The following ERCC6L2 variants were observed in gnomAD, a reference collection of about 807,000 sequenced individuals.
The protein encoded by ERCC6L2 is DNA excision repair protein ERCC-6-like 2.
A neutral mutation model predicts 132.0 loss-of-function variants in ERCC6L2; 77 were observed. The ratio of observed to expected loss-of-function variants is 0.58; its 90% CI spans 0.49 to 0.71. The LOEUF (loss-of-function observed/expected upper bound fraction) is 0.71, where lower values mean the gene tolerates loss of function less well. ERCC6L2 is among the 30% of genes least tolerant of loss of function. The pLI is 0.00. For missense variants in ERCC6L2, 1,542 were observed against 1,837.6 expected (o/e 0.84, Z 2.94); for synonymous variants, 583 against 632.4 (o/e 0.92, Z 1.17).
intron 12 of ERCC6L2, among the ~76,000 whole-genome samples, chr9:95,955,698 C>T (rs917808659): frequency 6.7e-6 from 1 of 148,596 alleles, no homozygotes; most frequent in Non-Finnish European, 1.5e-5. Flanking sequence ...GAAGTTGATA[C>T]TTGTAGGTTT....
At chr9:95,960,334 C>T (rs569497759) in intron 13 of ERCC6L2, among the ~76,000 whole-genome samples, 2 of 152,208 alleles carry the variant, frequency 1.3e-5, no homozygotes, top group Admixed American at 1.3e-4. Context: ...GGCACTATAG[C>T]GGGCTGAATA....
Position 95,897,923 on chromosome 9 carries a change from T to C in ERCC6L2, c.546T>C (p.Phe182=). 1.9e-6 allele frequency: 3 copies of C among 1,612,596 alleles called. No individual in the cohort carries two copies. Among genetic ancestry groups the C allele is most frequent in the Non-Finnish European group, 2.5e-6 (3 of 1,179,298 alleles). ...REDIENNMPE[F]LLRSMKKEPL... is the part of the protein sequence containing the mutation. ...ATATTGAAAATAACATGCCAGAGTTTTTACTAAGAAGTATGAAAAAGGAAC... is the reference window on the plus strand; with the variant it reads ...ATATTGAAAATAACATGCCAGAGTTCTTACTAAGAAGTATGAAAAAGGAAC... Residue 182 remains phenylalanine (F), a synonymous_variant, in exon 3 of 19, where the codon TTT becomes TTC. Coordinates refer to ENST00000653738, the MANE Select transcript of ERCC6L2 (RefSeq NM_020207.7).
intron 2 of ERCC6L2, among the ~76,000 whole-genome samples, chr9:95,886,255 G>C (rs1827860568): frequency 6.6e-6 from 1 of 152,088 alleles, no homozygotes; most frequent in Non-Finnish European, 1.5e-5. Context: ...GAGCTCAAGT[G>C]ATCTGCCTGC....
intron 2 of ERCC6L2, among the ~76,000 whole-genome samples, chr9:95,893,577 GC>G (rs1828283018): frequency 6.6e-6 from 1 of 152,178 alleles, no homozygotes; most frequent in East Asian, 1.9e-4. Context: ...AAACTATCTG[GC>G]CCTTAACTTT....
intron 12 of ERCC6L2, among the ~76,000 whole-genome samples, chr9:95,953,331 C>T (rs1002685877): frequency 5.3e-5 from 8 of 152,182 alleles, no homozygotes; most frequent in Non-Finnish European, 7.3e-5. Flanking sequence ...AATCCCAGCA[C>T]TTTGGGAGGC....
chr9:95,917,161 T>C (rs1018187511), intron 6 of ERCC6L2, among the ~76,000 whole-genome samples: 1 of 152,208 alleles, frequency 6.6e-6, no homozygotes, highest in African/African-American at 2.4e-5. Context: ...TTTTAAAAAA[T>C]ATATAGGTTT....
intron 17 of ERCC6L2, among the ~76,000 whole-genome samples, chr9:96,001,460 A>G (rs1833675588): frequency 6.6e-6 from 1 of 152,180 alleles, no homozygotes; most frequent in Non-Finnish European, 1.5e-5. Flanking sequence ...CAGGTTCTCC[A>G]AGGCCCCACC....
downstream of ERCC6L2, chr9:96,019,943 T>A (rs1250209092): frequency 1.3e-5 from 2 of 152,214 alleles, no homozygotes; most frequent in Admixed American, 6.5e-5. Context: ...CCCAGCACTT[T>A]GGGAGGCCGA....
At chr9:95,919,326 A>G (rs1198172297) in intron 6 of ERCC6L2, among the ~76,000 whole-genome samples, 3 of 152,222 alleles carry the variant, frequency 2.0e-5, no homozygotes, top group Non-Finnish European at 4.4e-5. Context: ...ATTTACAAAT[A>G]TTTATATGTT....
At chr9:95,938,773 C>A (rs187878044) in intron 11 of ERCC6L2, among the ~76,000 whole-genome samples, 76 of 152,142 alleles carry the variant, frequency 5.0e-4, no homozygotes, top group African/African-American at 1.8e-3. Flanking sequence ...AACTACCCTG[C>A]CAATCTTACG....
At chr9:95,911,728 G>A (rs1435285659) in intron 4 of ERCC6L2, among the ~76,000 whole-genome samples, 1 of 152,036 alleles carries the variant, frequency 6.6e-6, no homozygotes, top group Non-Finnish European at 1.5e-5. Flanking sequence ...GTGAGCTGTA[G>A]TTTTTTTCTT....
intron 19 of ERCC6L2, among the ~76,000 whole-genome samples, chr9:96,038,511 CAGCGGGGCCAGAA>C (rs1480515253): frequency 6.6e-6 from 1 of 152,168 alleles, no homozygotes; most frequent in Non-Finnish European, 1.5e-5. Context: ...AGAAGGAGCC[CAGCGGGGCCAGAA>C]AGCACACATT....
chr9:96,040,293 C>T (rs987310783), intron 20 of ERCC6L2, among the ~76,000 whole-genome samples: 2 of 152,118 alleles, frequency 1.3e-5, no homozygotes, highest in Non-Finnish European at 2.9e-5. Context: ...CACGACTCTC[C>T]CACTGGAAGT....
At chr9:95,966,449 A>C in intron 13 of ERCC6L2, 113 bp from the exon 14 acceptor site, 1 of 962,444 alleles carries the variant, frequency 1.0e-6, no homozygotes. Flanking sequence ...TTCCTCCCTA[A>C]GGAGATTCTG....
chr9:95,940,996 C>A (rs879423572), intron 11 of ERCC6L2, among the ~76,000 whole-genome samples: 1 of 152,142 alleles, frequency 6.6e-6, no homozygotes, highest in Admixed American at 6.6e-5. Context: ...TGCCTATCTT[C>A]TCTGTACCTT....
At chr9:95,929,680 A>C (rs918807797) in intron 11 of ERCC6L2, among the ~76,000 whole-genome samples, 1 of 152,230 alleles carries the variant, frequency 6.6e-6, no homozygotes, top group Non-Finnish European at 1.5e-5. Flanking sequence ...ACTAAGGCAA[A>C]TGGGGAAAAG....
intron 1 of ERCC6L2, 33 bp downstream of exon 1, chr9:95,876,117 G>T (rs1296522957): frequency 1.9e-6 from 3 of 1,541,834 alleles, no homozygotes; most frequent in East Asian, 2.4e-5. Context: ...TTACGCAGAG[G>T]CCTGTGTACT....
intron 2 of ERCC6L2, 95 bp downstream of exon 2, chr9:95,881,388 A>G (rs1827585954): frequency 3.1e-6 from 3 of 958,004 alleles, no homozygotes; most frequent in Middle Eastern, 2.4e-4. Flanking sequence ...TACGATAGCT[A>G]TTTTGTGTGT....
chr9:96,028,798 C>T (rs1834415340), intron 19 of ERCC6L2, among the ~76,000 whole-genome samples: 1 of 152,158 alleles, frequency 6.6e-6, no homozygotes. Flanking sequence ...AAATTTCCCA[C>T]GTTCACCTTA....
Sources: allele counts gnomAD v4.1 joint callset (sites outside exome capture counted in the v4.1 genomes callset), GRCh38; gene constraint gnomAD v4.1.1; transcripts MANE v1.5; gene names NCBI Gene and HGNC (gene_info 2026-07-23, HGNC 2026-07-21).